Variants in NR3C1 observed in about 807,000 individuals in gnomAD.
NR3C1 encodes nuclear receptor subfamily 3 group C member 1, also known as glucocorticoid receptor.
NR3C1 carries 14 observed loss-of-function variants against 74.0 expected under a neutral mutation model. The observed-to-expected ratio is 0.19, with a 90% CI of 0.12 to 0.30. The LOEUF is 0.30. NR3C1 is among the 10% of genes least tolerant of loss of function. The pLI is 1.00. For missense variants in NR3C1, 695 were observed against 909.8 expected (o/e 0.76, Z 3.04); for synonymous variants, 308 against 332.5 (o/e 0.93, Z 0.80).
chr5:143,278,037 C>T lies in NR3C1; in HGVS notation c.*3852G>A, dbSNP rs901809228. On this transcript the variant is annotated 3_prime_UTR_variant, in exon 9 of 9. Transcript: ENST00000394464. ...GGTACAAATGTGTGGTTTGGTAATA[C>T]CAGAACAGCAAATTTAAATGAAAAA... The T allele has an allele frequency of 1.3e-5, 2 of 152,102 alleles. No homozygotes were observed. Among genetic ancestry groups the T allele is most frequent in the South Asian group, 2.1e-4 (1 of 4,822 alleles). The allele number at this position is 152,102 out of a possible 1,614,324, so 9.4% of individuals were successfully genotyped here. A position where few individuals can be genotyped will look rare whatever the true frequency, so the allele number is the denominator to read the frequency against.
intron 2 of NR3C1, among the ~76,000 whole-genome samples, chr5:143,322,886 A>T (rs1823675279): frequency 6.6e-6 from 1 of 151,894 alleles, no homozygotes; most frequent in Non-Finnish European, 1.5e-5. Context: ...TGCTATCTGG[A>T]TTTCCCTCAG....
chr5:143,334,337 A>C (rs1438339751), intron 2 of NR3C1, among the ~76,000 whole-genome samples: 1 of 152,078 alleles, frequency 6.6e-6, no homozygotes, highest in African/African-American at 2.4e-5. Context: ...AGCTGAGATC[A>C]CGCCATTGCA....
Position 143,403,496 on chromosome 5 carries a change from T to G in NR3C1, c.-299A>C, listed in dbSNP as rs1840753885. 10 of 984,830 alleles carry G rather than the reference T, an allele frequency of 1.0e-5. No individual in the cohort carries two copies. Among genetic ancestry groups the G allele is most frequent in the South Asian group, 4.7e-5 (1 of 21,274 alleles). The allele number at this position is 984,830 out of a possible 1,614,324, so 61.0% of individuals were successfully genotyped here. On this transcript the variant is annotated 5_prime_UTR_variant, in exon 1 of 9. Coordinates refer to ENST00000394464, the MANE Select transcript of NR3C1 (RefSeq NM_000176.3). ...TCCCGGTCCCAGCTGCTTCGGCCGCTCCGGCTGCGGCGTCTCCTTCCACCC... is the reference window on the plus strand; with the variant it reads ...TCCCGGTCCCAGCTGCTTCGGCCGCGCCGGCTGCGGCGTCTCCTTCCACCC...
At chr5:143,335,243 A>T (rs905902894) in intron 2 of NR3C1, among the ~76,000 whole-genome samples, 1 of 152,214 alleles carries the variant, frequency 6.6e-6, no homozygotes, top group Non-Finnish European at 1.5e-5. Flanking sequence ...GGGAAAGGAA[A>T]ACTGAATAAA....
chr5:143,401,723 T>A (rs1246640537), intron 1 of NR3C1, among the ~76,000 whole-genome samples: 2 of 152,272 alleles, frequency 1.3e-5, no homozygotes, highest in African/African-American at 4.8e-5. Context: ...TATGAAATGC[T>A]ATTACATCTC....
chr5:143,316,072 G>A (rs148293970), intron 2 of NR3C1, among the ~76,000 whole-genome samples: 4 of 152,284 alleles, frequency 2.6e-5, no homozygotes, highest in Admixed American at 1.3e-4. Context: ...CTGACTACAC[G>A]TCGAAAGCCT....
At chr5:143,348,580 ACAT>A (rs1266636253) in intron 2 of NR3C1, among the ~76,000 whole-genome samples, 1 of 152,196 alleles carries the variant, frequency 6.6e-6, no homozygotes. Flanking sequence ...ATTTAGTGGC[ACAT>A]TTTTTGAGTT....
chr5:143,373,562 G>C lies in NR3C1; in HGVS notation c.1184+26094C>G, dbSNP rs865866975. ...ACCAACATGGCGCATGTATACCTAC[G>C]TAACAAACCTGCACGTTGTGCACAT... On this transcript the variant is annotated intron_variant, in intron 2 of 8. Transcript: ENST00000394464. 7.2e-5 allele frequency among the ~76,000 whole-genome samples: 11 copies of C among 151,944 alleles called. 1 individual carries two copies. In the Middle Eastern group the frequency reaches 0.027, roughly 376 times the overall value.
chr5:143,379,091 A>T (rs987227334), intron 2 of NR3C1, among the ~76,000 whole-genome samples: 2 of 152,160 alleles, frequency 1.3e-5, no homozygotes, highest in Admixed American at 1.3e-4. Context: ...ACCCCCAGTG[A>T]GTGGTCACTT....
chr5:143,280,588 T>A lies in NR3C1; in HGVS notation c.*1301A>T, dbSNP rs1229805388. The A allele has an allele frequency of 6.6e-6, 1 of 152,642 alleles. No individual in the cohort carries two copies. The allele number at this position is 152,642 out of a possible 1,614,324, so 9.5% of individuals were successfully genotyped here. A position where few individuals can be genotyped will look rare whatever the true frequency, so the allele number is the denominator to read the frequency against. ...GTGAAGAAATTCACAGGACTTGTGT[T>A]AAACTCTATGGCACACATTAGGGAT... On this transcript the variant is annotated 3_prime_UTR_variant, in exon 9 of 9. Transcript: ENST00000394464.
intron 2 of NR3C1, among the ~76,000 whole-genome samples, chr5:143,370,562 C>A (rs1156669796): frequency 6.6e-6 from 1 of 152,118 alleles, no homozygotes; most frequent in Non-Finnish European, 1.5e-5. Context: ...AGACATGAAG[C>A]CAACATATTA....
chr5:143,399,515 AC>A, intron 2 of NR3C1, 140 bp downstream of exon 2: 1 of 709,250 alleles, frequency 1.4e-6, no homozygotes, highest in South Asian at 1.8e-5. Flanking sequence ...TACCTTTCCT[AC>A]TTTCAAAAGG....
intron 1 of NR3C1, among the ~76,000 whole-genome samples, chr5:143,418,815 G>A (rs1048521945): frequency 6.6e-6 from 1 of 152,146 alleles, no homozygotes; most frequent in African/African-American, 2.4e-5. Context: ...TTGGACGAGG[G>A]CAGAACTAGA....
At chr5:143,425,311 TGTTA>T (rs1431933038) in intron 1 of NR3C1, among the ~76,000 whole-genome samples, 7 of 152,202 alleles carry the variant, frequency 4.6e-5, no homozygotes, top group African/African-American at 7.2e-5. Flanking sequence ...GTCAATGGTT[TGTTA>T]GTTACAATAC....
chr5:143,428,840 G>A (rs980237955), intron 1 of NR3C1, among the ~76,000 whole-genome samples: 1 of 152,106 alleles, frequency 6.6e-6, no homozygotes, highest in Non-Finnish European at 1.5e-5. Flanking sequence ...CACTGTTTTC[G>A]CCATTCTGAC....
chr5:143,403,873 C>T, upstream of NR3C1: 2 of 976,766 alleles, frequency 2.0e-6, no homozygotes, highest in Non-Finnish European at 2.4e-6. Flanking sequence ...GCCCCGACGG[C>T]GCCTGCACGC....
At chr5:143,383,391 T>C (rs947915265) in intron 2 of NR3C1, among the ~76,000 whole-genome samples, 3 of 152,236 alleles carry the variant, frequency 2.0e-5, no homozygotes, top group African/African-American at 7.2e-5. Context: ...GTACCTTAAG[T>C]GCTAGGTGTT....
At chr5:143,381,539 A>T (rs924991657) in intron 2 of NR3C1, among the ~76,000 whole-genome samples, 1 of 152,206 alleles carries the variant, frequency 6.6e-6, no homozygotes, top group Admixed American at 6.5e-5. Flanking sequence ...TCTGACTTCA[A>T]ATTATGCTAC....
intron 7 of NR3C1, among the ~76,000 whole-genome samples, chr5:143,284,973 G>C (rs900440135): frequency 6.6e-6 from 1 of 151,322 alleles, no homozygotes; most frequent in African/African-American, 2.4e-5. Flanking sequence ...CAGACTACTG[G>C]AAACGAAGGA....
Sources: allele counts gnomAD v4.1 joint callset (sites outside exome capture counted in the v4.1 genomes callset), GRCh38; gene constraint gnomAD v4.1.1; transcripts MANE v1.5; gene names NCBI Gene and HGNC (gene_info 2026-07-23, HGNC 2026-07-21).